Variants in CHIT1 observed in about 807,000 individuals in gnomAD.
The protein encoded by CHIT1 is chitinase 1.
Under a neutral mutation model 52.0 loss-of-function variants are expected in CHIT1, and 47 were observed. That is an observed-to-expected ratio of 0.90 (90% CI 0.71 to 1.15). The LOEUF (loss-of-function observed/expected upper bound fraction) is 1.15. CHIT1 is among the 50% of genes most tolerant of loss of function. The pLI is 0.00. For synonymous variants in CHIT1, 242 were observed against 228.2 expected (o/e 1.06, Z -0.54); for missense variants, 569 against 583.0 (o/e 0.98, Z 0.25).
At chr1:203,228,698 AC>A in intron 1 of CHIT1, 136 bp from the exon 2 acceptor site, 3 of 1,018,880 alleles carry the variant, frequency 2.9e-6, no homozygotes, top group Non-Finnish European at 4.5e-6. Context: ...TTCAGAAGGG[AC>A]CCAGGAGGGC....
At position 203,224,979 on chromosome 1, in the gene CHIT1, C is replaced by G. The variant is rs529641427; in HGVS notation, c.314+69G>C. 2.1e-6 allele frequency: 3 copies of G among 1,405,368 alleles called. No individual in the cohort carries two copies. The East Asian group carries it at 6.8e-5, about 32-fold the overall frequency. 87.1% of individuals were successfully genotyped at this position (1,405,368 alleles called of 1,614,324 possible). On this transcript the variant is annotated intron_variant, in intron 4 of 10. Coordinates refer to ENST00000367229, the MANE Select transcript of CHIT1 (RefSeq NM_003465.3). ...GCCTGGCCTGATTCCCTGACCAGGG[C>G]TCCCTCTGGCCAGTGCACCAGGTTC...
chr1:203,223,438 G>T, intron 5 of CHIT1, 57 bp downstream of exon 5: 1 of 1,608,166 alleles, frequency 6.2e-7, no homozygotes, highest in South Asian at 1.1e-5. Context: ...TGTGCTGTGG[G>T]GGCTCCAGCT....
rs73068213 is a variant in CHIT1 at position 203,222,066 on chromosome 1, C to T, written c.729+136G>A. ...AGGAAAATAGAACAAAACAAGCAAG[C>T]AAAGAAACAAAAAAGCTTCTTGTTT... On this transcript the variant is annotated intron_variant, in intron 7 of 10. Coordinates refer to ENST00000367229, the MANE Select transcript of CHIT1 (RefSeq NM_003465.3). 6.8e-4 allele frequency: 877 copies of T among 1,289,518 alleles called. 6 individuals carry two copies. The African/African-American group carries it at 0.011, about 16-fold the overall frequency. The allele number at this position is 1,289,518 out of a possible 1,614,324, so 79.9% of individuals were successfully genotyped here. A position where few individuals can be genotyped will look rare whatever the true frequency, so the allele number is the denominator to read the frequency against.
Position 203,216,301 on chromosome 1 carries a change from A to G in CHIT1, c.*588T>C, listed in dbSNP as rs920851039. The G allele has an allele frequency of 2.9e-5, 13 of 453,966 alleles. No individual in the cohort carries two copies. The highest frequency in any genetic ancestry group is 8.0e-5 in the African/African-American group (4 of 49,978). 28.1% of individuals were successfully genotyped at this position (453,966 alleles called of 1,614,324 possible). A position where few individuals can be genotyped will look rare whatever the true frequency, so the allele number is the denominator to read the frequency against. ...GGATTTATCTCGAAGACCCCTGAGT[A>G]CCAGGGGTCTGAATTCTTAGTGTAA... On this transcript the variant is annotated 3_prime_UTR_variant, in exon 11 of 11. Transcript: ENST00000367229.
At chr1:203,222,762 G>A (rs546354080) in intron 6 of CHIT1, among the ~76,000 whole-genome samples, 1 of 152,230 alleles carries the variant, frequency 6.6e-6, no homozygotes, top group East Asian at 1.9e-4. Flanking sequence ...GTTTTAATGA[G>A]GGCTGCGAGT....
rs1421183683 is a variant in CHIT1, at chr1:203,228,561, A to G, written c.27T>C (p.Gly9=). ...ATGGGATCATCAGCAGGACCATGAA[A>G]CCTGGAGCAACACAAGAGAGAAGGC... MVRSVAWA[G]FMVLLMIPWG... Residue 9 remains glycine (G), a splice_region_variant and synonymous_variant, in exon 2 of 11, where the codon GGT becomes GGC. Coordinates refer to ENST00000367229, the MANE Select transcript of CHIT1 (RefSeq NM_003465.3). 1.3e-6 allele frequency: 2 copies of G among 1,585,656 alleles called. No individual in the cohort carries two copies. Among genetic ancestry groups the G allele is most frequent in the African/African-American group, 2.7e-5 (2 of 74,104 alleles).
intron 10 of CHIT1, 40 bp downstream of exon 10, chr1:203,217,699 A>C (rs984967613): frequency 6.2e-7 from 1 of 1,613,666 alleles, no homozygotes; most frequent in East Asian, 2.2e-5. Context: ...TTTGTACCCC[A>C]CCTCCAAATT....
intron 5 of CHIT1, 28 bp from the exon 6 acceptor site, chr1:203,223,287 CAG>C (rs1352044469): frequency 1.9e-6 from 3 of 1,613,508 alleles, no homozygotes; most frequent in African/African-American, 1.3e-5. Flanking sequence ...AGAGTCAACA[CAG>C]GGGCGCGCAC....
At chr1:203,218,081 G>A (rs1344030865) in intron 9 of CHIT1, 10 of 1,507,394 alleles carry the variant, frequency 6.6e-6, no homozygotes, top group East Asian at 5.3e-5. Flanking sequence ...TTGTCTTAAC[G>A]TAAGCATGAC....
chr1:203,221,947 G>C (rs779990078), intron 7 of CHIT1, among the ~76,000 whole-genome samples: 2 of 152,198 alleles, frequency 1.3e-5, no homozygotes, highest in African/African-American at 4.8e-5. Flanking sequence ...CTTCCCCATT[G>C]GTCACTTGTT....
At chr1:203,217,382 C>A (rs2102229308) in intron 10 of CHIT1, 1 of 1,500,820 alleles carries the variant, frequency 6.7e-7, no homozygotes, top group African/African-American at 1.4e-5. Context: ...TCTGCAAGCA[C>A]AACCATATAC....
chr1:203,229,711 C>T (rs764136551), upstream of CHIT1: 5 of 1,574,320 alleles, frequency 3.2e-6, no homozygotes, highest in African/African-American at 2.7e-5. Flanking sequence ...TCTGGCCACC[C>T]TGTCCCACCC....
At chr1:203,228,912 A>G (rs1392271548) in intron 1 of CHIT1, among the ~76,000 whole-genome samples, 1 of 152,230 alleles carries the variant, frequency 6.6e-6, no homozygotes, top group Non-Finnish European at 1.5e-5. Context: ...TCGGAACAAG[A>G]AACAAGCCTG....
chr1:203,223,294 G>A (rs751220019), intron 5 of CHIT1, 35 bp from the exon 6 acceptor site: 61 of 1,612,734 alleles, frequency 3.8e-5, no homozygotes, highest in East Asian at 1.1e-4. Flanking sequence ...ACACAGGGGC[G>A]CGCACCAGGC....
At chr1:203,223,682 T>C in intron 4 of CHIT1, 22 bp from the exon 5 acceptor site, 1 of 1,613,510 alleles carries the variant, frequency 6.2e-7, no homozygotes, top group Non-Finnish European at 8.5e-7. Flanking sequence ...TGAAGGGGAG[T>C]AAGGGCCGGC....
chr1:203,225,176 T>C (rs1375034653), intron 3 of CHIT1, 72 bp from the exon 4 acceptor site: 2 of 1,442,058 alleles, frequency 1.4e-6, no homozygotes, highest in Admixed American at 1.7e-5. Flanking sequence ...GATGTTACAG[T>C]GGGGAGGAAC....
Position 203,217,796 on chromosome 1 carries a change from C to T in CHIT1, c.1099G>A (p.Gly367Ser), listed in dbSNP as rs752379824. Residue 367 changes from glycine (G) to serine (S), a missense_variant, in exon 10 of 11, where the codon GGC becomes AGC. By Grantham distance (56) the Gly-to-Ser change is moderately conservative (BLOSUM62 0). Transcript: ENST00000367229. Reference sequence around the variant, plus strand: ...TATCGGCCCTGGTTGCAGGAGAAGCCGGCAAAGTCATCTAAGTCCAGTGCC... The same window carrying T: ...TATCGGCCCTGGTTGCAGGAGAAGCTGGCAAAGTCATCTAAGTCCAGTGCC... ...VWALDLDDFA[G>S]FSCNQGRYPL... 58 of 1,613,928 alleles carry T rather than the reference C, an allele frequency of 3.6e-5. No homozygotes were observed. The highest frequency in any genetic ancestry group is 5.0e-5 in the Admixed American group (3 of 60,002).
intron 2 of CHIT1, among the ~76,000 whole-genome samples, chr1:203,228,119 C>T (rs993646158): frequency 1.3e-5 from 2 of 152,218 alleles, no homozygotes; most frequent in African/African-American, 4.8e-5. Flanking sequence ...GCTGGGGATG[C>T]TGAACCAGAT....
intron 1 of CHIT1, 88 bp from the exon 2 acceptor site, chr1:203,228,650 C>T: frequency 7.1e-7 from 1 of 1,418,174 alleles, no homozygotes; most frequent in Middle Eastern, 1.8e-4. Flanking sequence ...AGGAGGTGGT[C>T]AGGGAGGGCT....
Sources: allele counts gnomAD v4.1 joint callset (sites outside exome capture counted in the v4.1 genomes callset), GRCh38; gene constraint gnomAD v4.1.1; transcripts MANE v1.5; gene names NCBI Gene and HGNC (gene_info 2026-07-23, HGNC 2026-07-21).